ZNF610: variants seen among roughly 807,000 people sequenced by gnomAD.
ZNF610 encodes zink finger protein.
ZNF610 carries 14 observed loss-of-function variants against 14.1 expected under a neutral mutation model. The ratio of observed to expected loss-of-function variants is 0.99; its 90% CI spans 0.65 to 1.55. The LOEUF (loss-of-function observed/expected upper bound fraction) is 1.55. ZNF610 is among the 40% of genes most tolerant of loss of function. The pLI is 0.00. For synonymous variants in ZNF610, 185 were observed against 187.6 expected, an observed-to-expected ratio of 0.99 and a Z score of 0.11; for missense variants, 530 against 558.0, an observed-to-expected ratio of 0.95 and a Z score of 0.51.
At chr19:52,358,257 C>T (rs1985623144) in intron 5 of ZNF610, among the ~76,000 whole-genome samples, 1 of 152,166 alleles carries the variant, frequency 6.6e-6, no homozygotes, top group South Asian at 2.1e-4. Context: ...GATCTTGGCT[C>T]ACTGCAACCT....
chr19:52,348,899 G>T (rs1006214692), intron 2 of ZNF610, among the ~76,000 whole-genome samples: 5 of 152,300 alleles, frequency 3.3e-5, no homozygotes, highest in African/African-American at 1.2e-4. Context: ...GAATGGGGCA[G>T]CTCAGTCCAG....
chr19:52,344,218 C>T (rs1319108855), intron 1 of ZNF610: 1 of 152,500 alleles, frequency 6.6e-6, no homozygotes, highest in African/African-American at 2.4e-5. Flanking sequence ...TTCATCTGGG[C>T]TGTTCCTCTG....
At chr19:52,357,445 A>G (rs1437354759) in intron 5 of ZNF610, among the ~76,000 whole-genome samples, 3 of 152,092 alleles carry the variant, frequency 2.0e-5, no homozygotes, top group Non-Finnish European at 4.4e-5. Flanking sequence ...GGAGATCGAG[A>G]TCATCCTGGC....
At chr19:52,330,568 T>G in the ZNF610 span, among the ~76,000 whole-genome samples, 3 of 152,178 alleles carry the variant, frequency 2.0e-5, no homozygotes, top group East Asian at 3.8e-4. Context: ...ACAATTACAG[T>G]GTCTAGTGAG....
chr19:52,345,894 CG>C (rs1300324469), intron 1 of ZNF610, among the ~76,000 whole-genome samples: 2 of 148,140 alleles, frequency 1.4e-5, no homozygotes, highest in Non-Finnish European at 2.9e-5. Flanking sequence ...TTAGTAGAGA[CG>C]GGGTTTCACC....
At position 52,347,756 on chromosome 19, in the gene ZNF610, C is replaced by G. The variant is rs944774853; in HGVS notation, c.-208C>G. The G allele has an allele frequency of 6.6e-6, 1 of 152,150 alleles. No homozygotes were observed. Among genetic ancestry groups the G allele is most frequent in the Non-Finnish European group, 1.5e-5 (1 of 68,032 alleles). The allele number at this position is 152,150 out of a possible 1,614,324, so 9.4% of individuals were successfully genotyped here. ...CAAACTGGTCTCGAAATTCTGGAGT[C>G]AAGCAGTCTGCCTGCCTCGTTCTCC... is the stretch of plus-strand genomic sequence containing the variant. On this transcript the variant is annotated 5_prime_UTR_variant, in exon 2 of 6. Coordinates refer to ENST00000403906, the MANE Select transcript of ZNF610 (RefSeq NM_001161425.2).
At chr19:52,365,504 G>A (rs1324843777) in intron 5 of ZNF610, among the ~76,000 whole-genome samples, 194 bp from the exon 6 acceptor site, 1 of 151,954 alleles carries the variant, frequency 6.6e-6, no homozygotes, top group South Asian at 2.1e-4. Context: ...TAATCCTCCC[G>A]AGTCCTGCAG....
chr19:52,336,785 C>T (rs1984404896), intron 1 of ZNF610, among the ~76,000 whole-genome samples: 1 of 152,158 alleles, frequency 6.6e-6, no homozygotes, highest in Non-Finnish European at 1.5e-5. Flanking sequence ...CCAGGCCTCC[C>T]CTTCGCAGCC....
In ZNF610 at chr19:52,366,334, A is replaced by T; in HGVS notation, c.956A>T (p.Asn319Ile). 1.2e-6 allele frequency: 2 copies of T among 1,614,120 alleles called. No homozygotes were observed. Among genetic ancestry groups the T allele is most frequent in the Non-Finnish European group, 1.7e-6 (2 of 1,180,010 alleles). Residue 319 changes from asparagine (N) to isoleucine (I), a missense_variant, in exon 6 of 6, where the codon AAT becomes ATT. Physicochemically the swap from Asn to Ile is moderately radical, Grantham distance 149. Transcript: ENST00000403906. ...ACTGGAGAGAAACCTTACAAATGTAATGAGTGTGGCAAGAACTTCAGGCAC... is the reference window on the plus strand; with the variant it reads ...ACTGGAGAGAAACCTTACAAATGTATTGAGTGTGGCAAGAACTTCAGGCAC... ...IHTGEKPYKC[N>I]ECGKNFRHKF...
chr19:52,366,059 T>G lies in ZNF610; in HGVS notation c.681T>G (p.Thr227=), dbSNP rs162120. ...TTACTAACCATCAAGTAATCCATAC[T>G]GCAGAGAAACCTTACAAATGTACTG... The part of the protein sequence containing the change: ...ASLTNHQVIH[T]AEKPYKCTEC... Residue 227 remains threonine (T), a synonymous_variant, in exon 6 of 6, where the codon ACT becomes ACG. Coordinates refer to ENST00000403906, the MANE Select transcript of ZNF610 (RefSeq NM_001161425.2). The G allele has an allele frequency of 1.3e-5, 21 of 1,614,032 alleles. No homozygotes were observed. The South Asian group carries it at 1.6e-4, about 13-fold the overall frequency.
Position 52,366,310 on chromosome 19 carries a change from C to T in ZNF610, c.932C>T (p.Thr311Ile). Reference sequence around the variant, plus strand: ...CTTACTACCCATCTTGTAATCCATACTGGAGAGAAACCTTACAAATGTAAT... The same window carrying T: ...CTTACTACCCATCTTGTAATCCATATTGGAGAGAAACCTTACAAATGTAAT... ...SGLTTHLVIH[T>I]GEKPYKCNEC... Residue 311 changes from threonine to isoleucine, a missense_variant, in exon 6 of 6, where the codon ACT becomes ATT. Coordinates refer to ENST00000403906, the MANE Select transcript of ZNF610 (RefSeq NM_001161425.2). 1 of 1,614,082 alleles carries T rather than the reference C, an allele frequency of 6.2e-7. No individual in the cohort carries two copies. The highest frequency in any genetic ancestry group is 8.5e-7 in the Non-Finnish European group (1 of 1,179,954).
At chr19:52,357,606 CTGCACTCCAGCCTGG>C (rs373991780) in intron 5 of ZNF610, among the ~76,000 whole-genome samples, 2,853 of 132,288 alleles carry the variant, frequency 0.022, 95 homozygotes, top group African/African-American at 0.078. Context: ...GATGGTGCCA[CTGCACTCCAGCCTGG>C]GAGATAGAGC....
chr19:52,336,810 C>T (rs981882096), intron 1 of ZNF610, among the ~76,000 whole-genome samples: 1 of 152,176 alleles, frequency 6.6e-6, no homozygotes, highest in Admixed American at 6.6e-5. Flanking sequence ...CTACTCCCGA[C>T]CCCCGGGTGT....
chr19:52,351,931 C>T (rs1031481439), intron 3 of ZNF610, among the ~76,000 whole-genome samples: 1 of 152,158 alleles, frequency 6.6e-6, no homozygotes, highest in Non-Finnish European at 1.5e-5. Flanking sequence ...CCACTGGGCT[C>T]CCAGCAGGTT....
chr19:52,333,114 G>A (rs1182204285), upstream of ZNF610, among the ~76,000 whole-genome samples: 1 of 152,146 alleles, frequency 6.6e-6, no homozygotes, highest in Non-Finnish European at 1.5e-5. Flanking sequence ...TAGGACAAAG[G>A]ACAGAGGATA....
chr19:52,332,622 G>A (rs1266996813), upstream of ZNF610, among the ~76,000 whole-genome samples: 1 of 152,186 alleles, frequency 6.6e-6, no homozygotes, highest in South Asian at 2.1e-4. The surrounding 1 kb of genome is among the most constrained non-coding windows in gnomAD (Gnocchi z 4.1). Context: ...CACCTTCGGT[G>A]GCAGAAATAA....
chr19:52,348,683 G>C (rs985280000), intron 2 of ZNF610, among the ~76,000 whole-genome samples: 1 of 152,206 alleles, frequency 6.6e-6, no homozygotes, highest in Admixed American at 6.5e-5. Context: ...ATAGAGGTCA[G>C]TACTGTTTGA....
intron 1 of ZNF610, among the ~76,000 whole-genome samples, chr19:52,343,246 TACAA>T (rs1984773334): frequency 1.3e-5 from 2 of 152,320 alleles, no homozygotes; most frequent in East Asian, 3.9e-4. Flanking sequence ...TCATTTATAA[TACAA>T]ACAATAAATC....
At chr19:52,344,215 G>A (rs1417704514) in intron 1 of ZNF610, 1 of 152,392 alleles carries the variant, frequency 6.6e-6, no homozygotes, top group Non-Finnish European at 1.5e-5. Context: ...GACTTCATCT[G>A]GGCTGTTCCT....
Sources: allele counts gnomAD v4.1 joint callset (sites outside exome capture counted in the v4.1 genomes callset), GRCh38; gene constraint gnomAD v4.1.1; non-coding constraint Gnocchi (gnomAD v3.1); transcripts MANE v1.5; gene names NCBI Gene and HGNC (gene_info 2026-07-23, HGNC 2026-07-21).